RAB3GAP2: variants seen among roughly 807,000 people sequenced by gnomAD.
RAB3GAP2 encodes rab3 GTPase-activating protein non-catalytic subunit.
In RAB3GAP2, 87 loss-of-function variants were observed where a neutral mutation model predicts 185.3. The ratio of observed to expected loss-of-function variants is 0.47; its 90% CI spans 0.39 to 0.56. The LOEUF (loss-of-function observed/expected upper bound fraction) is 0.56. Among genes scored for constraint, RAB3GAP2 ranks in the 20% least tolerant of loss-of-function variants. RAB3GAP2 has a pLI of 0.00. For synonymous variants in RAB3GAP2, 554 were observed against 576.1 expected, an observed-to-expected ratio of 0.96 and a Z score of 0.55; for missense variants, 1,492 against 1,638.2, an observed-to-expected ratio of 0.91 and a Z score of 1.54.
Position 220,202,308 on chromosome 1 carries a change from T to C in RAB3GAP2, c.779A>G (p.Asp260Gly), listed in dbSNP as rs2102875744. 6.2e-7 allele frequency: 1 copy of C among 1,613,886 alleles called. No individual in the cohort carries two copies. The highest frequency in any genetic ancestry group is 8.5e-7 in the Non-Finnish European group (1 of 1,179,910). Residue 260 changes from aspartate (D) to glycine (G), a missense_variant, in exon 9 of 35, where the codon GAT becomes GGT. Transcript: ENST00000358951. The part of the protein sequence containing the change: ...PLAYKKWGLQ[D>G]IDTIIDHASV... ...AGCATGATCAATAATAGTGTCAATA[T>C]CTTGTAGACCCCATTTCTTATAAGC...
chr1:220,251,626 AT>A (rs1659931367), intron 1 of RAB3GAP2, among the ~76,000 whole-genome samples: 1 of 152,250 alleles, frequency 6.6e-6, no homozygotes, highest in Admixed American at 6.5e-5. Context: ...CACTGATCAT[AT>A]TATGATAATA....
At chr1:220,175,495 GC>G (rs1293234777) in intron 21 of RAB3GAP2, among the ~76,000 whole-genome samples, 4 of 152,170 alleles carry the variant, frequency 2.6e-5, no homozygotes, top group African/African-American at 9.7e-5. Context: ...GGGATTACAG[GC>G]GTGAGCCACT....
chr1:220,245,900 G>A (rs527764329), intron 1 of RAB3GAP2, among the ~76,000 whole-genome samples: 21 of 152,182 alleles, frequency 1.4e-4, no homozygotes, highest in South Asian at 4.1e-4. Context: ...ACCCCCCAGC[G>A]GGGGCAGACT....
chr1:220,189,995 CA>C, intron 16 of RAB3GAP2, 68 bp downstream of exon 16: 1 of 1,333,158 alleles, frequency 7.5e-7, no homozygotes, highest in Non-Finnish European at 1.1e-6. Flanking sequence ...TTGCTCCATT[CA>C]GAATATTTTA....
At chr1:220,214,155 T>C (rs1659139682) in intron 2 of RAB3GAP2, among the ~76,000 whole-genome samples, 176 bp from the exon 3 acceptor site, 1 of 152,154 alleles carries the variant, frequency 6.6e-6, no homozygotes, top group East Asian at 1.9e-4. Flanking sequence ...ACAAACAAAA[T>C]ACCCACTATA....
chr1:220,239,096 A>G (rs1659644647), intron 1 of RAB3GAP2, among the ~76,000 whole-genome samples: 1 of 152,238 alleles, frequency 6.6e-6, no homozygotes, highest in African/African-American at 2.4e-5. Flanking sequence ...TAATATAATG[A>G]ACAAATCAGT....
intron 7 of RAB3GAP2, among the ~76,000 whole-genome samples, chr1:220,209,991 C>T (rs923066514): frequency 1.1e-4 from 16 of 152,082 alleles, no homozygotes; most frequent in African/African-American, 3.9e-4. Flanking sequence ...CAGTTAAGTA[C>T]AAGGTAGTAT....
At chr1:220,171,341 G>T (rs1658174726) in intron 23 of RAB3GAP2, among the ~76,000 whole-genome samples, 1 of 152,132 alleles carries the variant, frequency 6.6e-6, no homozygotes, top group South Asian at 2.1e-4. Context: ...TTTATAAGGA[G>T]TCCTGCACTA....
chr1:220,215,839 G>C (rs764885740), intron 2 of RAB3GAP2, among the ~76,000 whole-genome samples: 2 of 152,058 alleles, frequency 1.3e-5, no homozygotes, highest in Non-Finnish European at 2.9e-5. Flanking sequence ...AAAGGGGAGG[G>C]AAAGGGAGGG....
intron 24 of RAB3GAP2, among the ~76,000 whole-genome samples, chr1:220,170,576 T>G (rs1314895565): frequency 6.6e-6 from 1 of 152,150 alleles, no homozygotes; most frequent in African/African-American, 2.4e-5. Flanking sequence ...TGTGTTTTGG[T>G]TGAAGTATAA....
At position 220,244,748 on chromosome 1, in the gene RAB3GAP2, G is replaced by A. The variant is rs559287178; in HGVS notation, c.116-11885C>T. 2.6e-5 allele frequency among the ~76,000 whole-genome samples: 4 copies of A among 152,226 alleles called. No individual in the cohort carries two copies. In the East Asian group the frequency reaches 7.7e-4, roughly 29 times the overall value. On this transcript the variant is annotated intron_variant, in intron 1 of 34. Coordinates refer to ENST00000358951, the MANE Select transcript of RAB3GAP2 (RefSeq NM_012414.4). ...ACAGAATAAAGAACCCAGAAGTAAA[G>A]CCAAATATTTACTGCCAACTGATCT...
intron 2 of RAB3GAP2, among the ~76,000 whole-genome samples, chr1:220,217,419 T>C (rs1460416693): frequency 1.3e-5 from 2 of 152,128 alleles, no homozygotes; most frequent in African/African-American, 4.8e-5. Flanking sequence ...TAAAAATACT[T>C]TCCCTCTCCT....
At chr1:220,211,689 A>G (rs528858581) in intron 4 of RAB3GAP2, among the ~76,000 whole-genome samples, 145 of 152,316 alleles carry the variant, frequency 9.5e-4, no homozygotes, top group Non-Finnish European at 1.1e-3. Flanking sequence ...CTTTTGTTAA[A>G]TCTGTCAAAC....
chr1:220,152,833 C>T (rs569938797), intron 33 of RAB3GAP2, among the ~76,000 whole-genome samples: 4 of 152,196 alleles, frequency 2.6e-5, no homozygotes, highest in African/African-American at 9.6e-5. Context: ...TGGGATTACA[C>T]GTGTGAGCCA....
At position 220,172,352 on chromosome 1, in the gene RAB3GAP2, A is replaced by G. The variant is rs114769082; in HGVS notation, c.2416+285T>C. Among the ~76,000 whole-genome samples, 1,778 of 152,326 alleles carry G rather than the reference A, an allele frequency of 0.012. 30 individuals carry two copies. The highest frequency in any genetic ancestry group is 0.041 in the African/African-American group (1,711 of 41,578). On this transcript the variant is annotated intron_variant, in intron 22 of 34. Coordinates refer to ENST00000358951, the MANE Select transcript of RAB3GAP2 (RefSeq NM_012414.4). ...TGATAATCATACAAAAAATAACAAG[A>G]AAAACATTGCCTTCCCCGAAGACCA...
At position 220,211,523 on chromosome 1, in the gene RAB3GAP2, A is replaced by G. The variant is rs541242899; in HGVS notation, c.387-521T>C. 3.4e-4 allele frequency: 126 copies of G among 369,722 alleles called. 3 individuals are homozygous for G. Among genetic ancestry groups the G allele is most frequent in the South Asian group, 2.5e-3 (120 of 47,892 alleles). 22.9% of individuals were successfully genotyped at this position (369,722 alleles called of 1,614,324 possible). ...TTCAACTTGCTGGGTTTTCTTTTCT[A>G]TTTTGCAGAAACTGCTCTGATCATC... On this transcript the variant is annotated intron_variant, in intron 4 of 34. Coordinates refer to ENST00000358951, the MANE Select transcript of RAB3GAP2 (RefSeq NM_012414.4).
chr1:220,243,118 G>A (rs940269426), intron 1 of RAB3GAP2, among the ~76,000 whole-genome samples: 1 of 152,096 alleles, frequency 6.6e-6, no homozygotes, highest in African/African-American at 2.4e-5. Context: ...ACTTTGGGAG[G>A]CCGAGGGGGG....
At chr1:220,168,052 T>C (rs1421206989) in intron 24 of RAB3GAP2, among the ~76,000 whole-genome samples, 2 of 152,344 alleles carry the variant, frequency 1.3e-5, no homozygotes, top group East Asian at 3.9e-4. Flanking sequence ...TTGGTTAGTA[T>C]GACATTTGTC....
chr1:220,202,456 T>G, intron 8 of RAB3GAP2, 82 bp from the exon 9 acceptor site: 22 of 1,413,142 alleles, frequency 1.6e-5, no homozygotes, highest in Non-Finnish European at 1.7e-5. Flanking sequence ...CCATACTAAT[T>G]TGTTATTCTA....
Sources: gnomAD v4.1 joint callset for allele counts (sites outside exome capture counted in the v4.1 genomes callset) on GRCh38, gnomAD v4.1.1 for gene constraint, MANE v1.5 for transcripts, NCBI Gene and HGNC (gene_info 2026-07-23, HGNC 2026-07-21) for gene names.